The following ZDHHC20 variants were observed in gnomAD, a reference collection of about 807,000 sequenced individuals.
ZDHHC20 encodes the protein zDHHC palmitoyltransferase 20.
ZDHHC20 carries 43 observed loss-of-function variants against 57.8 expected under a neutral mutation model. That is an observed-to-expected ratio of 0.74 (90% CI 0.58 to 0.96). The LOEUF (loss-of-function observed/expected upper bound fraction) is 0.96. Ranked by LOEUF, ZDHHC20 falls within the 40% of genes least tolerant of loss-of-function variation. The probability of loss-of-function intolerance (pLI) is 0.00; values close to 1 mark genes in which losing one functional copy is unlikely to be tolerated. For synonymous variants in ZDHHC20, 157 were observed against 153.0 expected, an observed-to-expected ratio of 1.03 and a Z score of -0.19; for missense variants, 391 against 441.1, an observed-to-expected ratio of 0.89 and a Z score of 1.02.
At chr13:21,436,502 A>T (rs1354892248) in intron 1 of ZDHHC20, among the ~76,000 whole-genome samples, 3 of 152,184 alleles carry the variant, frequency 2.0e-5, no homozygotes, top group Non-Finnish European at 4.4e-5. Flanking sequence ...CATTATCATA[A>T]TATCTGCTCT....
chr13:21,410,013 C>T lies in ZDHHC20; in HGVS notation c.370+3639G>A, dbSNP rs61950008. Among the ~76,000 whole-genome samples, 859 of 152,242 alleles carry T rather than the reference C, an allele frequency of 5.6e-3. 2 individuals are homozygous for T. Among genetic ancestry groups the T allele is most frequent in the Non-Finnish European group, 7.4e-3 (501 of 68,016 alleles). On this transcript the variant is annotated intron_variant, in intron 4 of 12. Coordinates refer to ENST00000400590, the MANE Select transcript of ZDHHC20 (RefSeq NM_001330059.2). Reference sequence around the variant, plus strand: ...TTTTGCACTGGTTTTTCCTCATCTTCGTGGATTTATCTACCTTTGGTCTTT... The same window carrying T: ...TTTTGCACTGGTTTTTCCTCATCTTTGTGGATTTATCTACCTTTGGTCTTT...
intron 9 of ZDHHC20, among the ~76,000 whole-genome samples, chr13:21,386,237 G>T (rs1566065608): frequency 6.6e-6 from 1 of 152,202 alleles, no homozygotes; most frequent in Non-Finnish European, 1.5e-5. Context: ...TGGGAGGACT[G>T]TGAGTGACTG....
At position 21,376,347 on chromosome 13, in the gene ZDHHC20, TATCAAAA is replaced by T. The variant is rs2137596710; in HGVS notation, c.*342_*348del. 1 of 203,838 alleles carries T rather than the reference TATCAAAA, an allele frequency of 4.9e-6. No individual in the cohort carries two copies. The highest frequency in any genetic ancestry group is 1.1e-4 in the East Asian group (1 of 9,084). 12.6% of individuals were successfully genotyped at this position (203,838 alleles called of 1,614,324 possible). ...ACTTATTCTAATAATGTAATTCAGG[TATCAAAA>T]AATACATATGCATGTTAAAATGTGA... On this transcript the variant is annotated 3_prime_UTR_variant, in exon 13 of 13. Transcript: ENST00000400590.
At chr13:21,408,343 G>T (rs1878742134) in intron 4 of ZDHHC20, among the ~76,000 whole-genome samples, 2 of 152,126 alleles carry the variant, frequency 1.3e-5, no homozygotes, top group Admixed American at 6.5e-5. Flanking sequence ...CACATCCCTT[G>T]TAAGCTTATT....
At chr13:21,458,126 C>T (rs764692858) in intron 1 of ZDHHC20, among the ~76,000 whole-genome samples, 14 of 152,326 alleles carry the variant, frequency 9.2e-5, no homozygotes, top group Non-Finnish European at 1.0e-4. Context: ...TGCCCAATAT[C>T]ACAAATGTAG....
chr13:21,381,870 T>A, intron 10 of ZDHHC20: 1 of 565,124 alleles, frequency 1.8e-6, no homozygotes, highest in Non-Finnish European at 3.4e-6. Context: ...CAGGTGAGGA[T>A]CTATATCTGT....
chr13:21,400,308 A>T (rs2137789183), intron 7 of ZDHHC20, 65 bp downstream of exon 7: 2 of 1,415,698 alleles, frequency 1.4e-6, no homozygotes, highest in Admixed American at 5.3e-5. Flanking sequence ...AAATAAAGTA[A>T]TTTATTAGGA....
At chr13:21,378,585 A>G (rs1420973191) in intron 12 of ZDHHC20, 76 bp downstream of exon 12, 2 of 853,122 alleles carry the variant, frequency 2.3e-6, no homozygotes, top group Non-Finnish European at 3.2e-6. Context: ...AAAAAATACA[A>G]CTGCAAATTG....
chr13:21,395,635 G>T (rs1189191927), intron 7 of ZDHHC20, among the ~76,000 whole-genome samples: 1 of 151,438 alleles, frequency 6.6e-6, no homozygotes, highest in Non-Finnish European at 1.5e-5. Context: ...CCAAGTAGCT[G>T]GGACTACAGG....
intron 4 of ZDHHC20, among the ~76,000 whole-genome samples, chr13:21,411,150 G>A (rs1362609552): frequency 4.6e-5 from 7 of 152,256 alleles, no homozygotes; most frequent in African/African-American, 9.6e-5. Flanking sequence ...CGGGTGAGGC[G>A]ACGCCCTACC....
chr13:21,379,376 G>T (rs550711634), intron 11 of ZDHHC20, among the ~76,000 whole-genome samples: 1 of 151,954 alleles, frequency 6.6e-6, no homozygotes, highest in African/African-American at 2.4e-5. Context: ...CAATATCCCA[G>T]GCTCAAGCAA....
chr13:21,454,336 CA>C (rs1255207282), intron 1 of ZDHHC20, among the ~76,000 whole-genome samples: 1 of 151,990 alleles, frequency 6.6e-6, no homozygotes, highest in Non-Finnish European at 1.5e-5. Flanking sequence ...AAAACAAAAA[CA>C]AAAACAAAAA....
intron 8 of ZDHHC20, 67 bp downstream of exon 8, chr13:21,391,655 T>G: frequency 1.3e-6 from 2 of 1,505,432 alleles, no homozygotes; most frequent in Non-Finnish European, 1.8e-6. Flanking sequence ...CCCTTGTTCT[T>G]CTCTAGATTT....
At chr13:21,456,935 C>A (rs566897757) in intron 1 of ZDHHC20, among the ~76,000 whole-genome samples, 1 of 152,130 alleles carries the variant, frequency 6.6e-6, no homozygotes, top group Admixed American at 6.5e-5. Flanking sequence ...TATGAAAGAA[C>A]GGAAAGATGT....
intron 9 of ZDHHC20, among the ~76,000 whole-genome samples, chr13:21,384,294 G>A (rs1360441346): frequency 6.6e-6 from 1 of 151,814 alleles, no homozygotes; most frequent in Non-Finnish European, 1.5e-5. Flanking sequence ...ACAAAAATTA[G>A]CTGGGTGTGG....
intron 1 of ZDHHC20, among the ~76,000 whole-genome samples, chr13:21,434,087 C>CGTGTGT (rs4062876): frequency 2.0e-5 from 3 of 150,612 alleles, no homozygotes; most frequent in East Asian, 1.9e-4. Flanking sequence ...TCCTTTCCTA[C>CGTGTGT]GTGTGTGTGT....
chr13:21,440,572 T>C (rs913402534), intron 1 of ZDHHC20, among the ~76,000 whole-genome samples: 12 of 152,154 alleles, frequency 7.9e-5, no homozygotes, highest in East Asian at 7.7e-4. Flanking sequence ...GATCATGCCA[T>C]TGCACTCCAG....
intron 2 of ZDHHC20, among the ~76,000 whole-genome samples, chr13:21,422,499 C>G (rs994796411): frequency 2.0e-5 from 3 of 152,166 alleles, no homozygotes; most frequent in Admixed American, 6.5e-5. Context: ...TCTCAGAGAA[C>G]AGAAACTCCA....
In ZDHHC20 at chr13:21,439,084, A is replaced by G. The variant is rs540135353; in HGVS notation, c.119-13406T>C. Among the ~76,000 whole-genome samples, 4 of 152,260 alleles carry G rather than the reference A, an allele frequency of 2.6e-5. No homozygotes were observed. The East Asian group carries it at 5.8e-4, about 22-fold the overall frequency. On this transcript the variant is annotated intron_variant, in intron 1 of 12. Transcript: ENST00000400590. ...AACTTGTATGACTTGCTTTATTTTG[A>G]TATTTGCTTTATTGTGGTGGTATGA... is the stretch of plus-strand genomic sequence containing the variant.
Sources: gnomAD v4.1 joint callset for allele counts (sites outside exome capture counted in the v4.1 genomes callset) on GRCh38, gnomAD v4.1.1 for gene constraint, MANE v1.5 for transcripts, NCBI Gene and HGNC (gene_info 2026-07-23, HGNC 2026-07-21) for gene names.